The following DHX15 variants were observed in gnomAD, a reference collection of about 807,000 sequenced individuals.
DHX15 encodes the protein DEAH-box helicase 15, also known as ATP-dependent RNA helicase DHX15.
DHX15 carries 11 observed loss-of-function variants against 94.4 expected under a neutral mutation model. The observed-to-expected ratio is 0.12, with a 90% CI of 0.07 to 0.19. DHX15 has a LOEUF of 0.19. Among genes scored for constraint, DHX15 ranks in the 10% least tolerant of loss-of-function variants. The pLI is 1.00. For missense variants in DHX15, 304 were observed against 988.5 expected, an observed-to-expected ratio of 0.31 and a Z score of 9.29; for synonymous variants, 338 against 329.9, an observed-to-expected ratio of 1.02 and a Z score of -0.27.
At chr4:24,538,968 A>G (rs1721253628) in intron 10 of DHX15, 1 of 152,142 alleles carries the variant, frequency 6.6e-6, no homozygotes, top group South Asian at 2.1e-4. Flanking sequence ...GGAGAAGTAC[A>G]ACTGGGAGAA....
intron 3 of DHX15, among the ~76,000 whole-genome samples, chr4:24,567,609 C>A (rs1410297235): frequency 1.3e-5 from 2 of 151,294 alleles, no homozygotes; most frequent in African/African-American, 4.9e-5. Flanking sequence ...CAACCACAGA[C>A]AAATGCTTCT....
chr4:24,576,159 G>A, intron 2 of DHX15, 84 bp downstream of exon 2: 2 of 1,097,896 alleles, frequency 1.8e-6, no homozygotes, highest in Non-Finnish European at 1.3e-6. Context: ...GACAGACAAG[G>A]GAAATGACCA....
In DHX15 at chr4:24,562,125, C is replaced by T. The variant is rs187697378; in HGVS notation, c.702-5715G>A. Among the ~76,000 whole-genome samples the T allele has an allele frequency of 1.7e-3, 145 of 86,234 alleles. 1 individual carries two copies. The highest frequency in any genetic ancestry group is 0.01 in the South Asian group (17 of 1,682). 56.6% of individuals were successfully genotyped at this position (86,234 alleles called of 152,430 possible). A position where few individuals can be genotyped will look rare whatever the true frequency, so the allele number is the denominator to read the frequency against. Reference sequence around the variant, plus strand: ...CACTCCAGCCTGGAAGAGTGAGACACTGTCTCAAAAAAAAAAAAAAAAAAA... The same window carrying T: ...CACTCCAGCCTGGAAGAGTGAGACATTGTCTCAAAAAAAAAAAAAAAAAAA... On this transcript the variant is annotated intron_variant, in intron 3 of 13. Coordinates refer to ENST00000336812, the MANE Select transcript of DHX15 (RefSeq NM_001358.3).
rs1255232634 is a variant in DHX15 at position 24,576,511 on chromosome 4, G to A, written c.239C>T (p.Ser80Phe). The A allele has an allele frequency of 2.5e-6, 4 of 1,614,042 alleles. No individual in the cohort carries two copies. The highest frequency in any genetic ancestry group is 3.4e-6 in the Non-Finnish European group (4 of 1,180,038). ...ISAGLPPLKA[S>F]HSAHSTHSAH... is the part of the protein sequence containing the mutation. ...TGAGTGGGTTGAGTGAGCTGAATGG[G>A]AAGCTTTCAAAGGTGGTAATCCAGC... The change falls in exon 2 of 14, where the codon TCC becomes TTC. Residue 80 changes from serine to phenylalanine, a missense_variant. Coordinates refer to ENST00000336812, the MANE Select transcript of DHX15 (RefSeq NM_001358.3).
chr4:24,545,471 T>A (rs2109399389), intron 6 of DHX15, among the ~76,000 whole-genome samples: 1 of 152,328 alleles, frequency 6.6e-6, no homozygotes, highest in Non-Finnish European at 1.5e-5. Context: ...TTATGCCAAC[T>A]TGGCAAACCC....
intron 5 of DHX15, 142 bp downstream of exon 5, chr4:24,554,583 G>A (rs1721682826): frequency 1.6e-6 from 1 of 634,972 alleles, no homozygotes; most frequent in Non-Finnish European, 2.7e-6. Flanking sequence ...GATAAAAGGG[G>A]TTATATATTT....
intron 1 of DHX15, among the ~76,000 whole-genome samples, chr4:24,578,890 T>C (rs1046495799): frequency 2.6e-5 from 4 of 152,098 alleles, no homozygotes; most frequent in Admixed American, 6.5e-5. Flanking sequence ...ACTTCTAGCA[T>C]AGTACCAGGC....
intron 1 of DHX15, among the ~76,000 whole-genome samples, chr4:24,581,431 ATTAAATT>A (rs1490260227): frequency 6.6e-6 from 1 of 152,264 alleles, no homozygotes; most frequent in Non-Finnish European, 1.5e-5. Flanking sequence ...TCCCACTGAT[ATTAAATT>A]TTATAGTTCA....
At chr4:24,556,811 C>T (rs1282630023) in intron 3 of DHX15, among the ~76,000 whole-genome samples, 1 of 152,160 alleles carries the variant, frequency 6.6e-6, no homozygotes, top group Non-Finnish European at 1.5e-5. Flanking sequence ...TCATGTCACA[C>T]CACTAAAATG....
intron 5 of DHX15, among the ~76,000 whole-genome samples, chr4:24,553,018 A>G (rs1032248510): frequency 1.3e-5 from 2 of 152,366 alleles, no homozygotes; most frequent in African/African-American, 4.8e-5. Context: ...AATTTTAAAT[A>G]GTGATTTAAA....
intron 9 of DHX15, 56 bp from the exon 10 acceptor site, chr4:24,540,355 CA>C: frequency 2.1e-6 from 3 of 1,454,030 alleles, no homozygotes; most frequent in Non-Finnish European, 2.8e-6. Flanking sequence ...AAAAATGTGA[CA>C]AAGTACAAAC....
intron 11 of DHX15, 110 bp from the exon 12 acceptor site, chr4:24,533,164 G>T (rs1265654109): frequency 1.1e-6 from 1 of 940,938 alleles, no homozygotes; most frequent in Admixed American, 1.8e-5. Flanking sequence ...AACCAGAAAG[G>T]AGATTTACCC....
intron 1 of DHX15, among the ~76,000 whole-genome samples, chr4:24,578,678 A>C (rs1722336739): frequency 1.3e-5 from 2 of 151,956 alleles, no homozygotes; most frequent in African/African-American, 4.8e-5. Context: ...TGGTCCTCTC[A>C]CCTCAGCCTC....
At chr4:24,557,852 T>C (rs1184310337) in intron 3 of DHX15, among the ~76,000 whole-genome samples, 2 of 152,052 alleles carry the variant, frequency 1.3e-5, no homozygotes, top group Non-Finnish European at 2.9e-5. Flanking sequence ...TGTCTTCCGA[T>C]ATATCACAGA....
rs553646303 is a variant in DHX15 at position 24,584,508 on chromosome 4, C to T, written c.-115G>A. 2.9e-6 allele frequency: 3 copies of T among 1,048,618 alleles called. No individual in the cohort carries two copies. The South Asian group carries it at 4.7e-5, about 17-fold the overall frequency. 65.0% of individuals were successfully genotyped at this position (1,048,618 alleles called of 1,614,324 possible). On this transcript the variant is annotated 5_prime_UTR_variant, in exon 1 of 14. Transcript: ENST00000336812. ...CCCCACCCCTCCCGCTACTACAGCC[C>T]ACACGGTGCGGCCGGAACCAACAGC...
chr4:24,540,368 ATTATAAG>A, intron 9 of DHX15, 69 bp from the exon 10 acceptor site: 22 of 1,306,212 alleles, frequency 1.7e-5, no homozygotes, highest in South Asian at 3.1e-5. Flanking sequence ...AGTACAAACT[ATTATAAG>A]CAATCTCATT....
chr4:24,557,979 C>CA (rs58623833), intron 3 of DHX15, among the ~76,000 whole-genome samples: 11,589 of 127,384 alleles, frequency 0.091, 496 homozygotes, highest in African/African-American at 0.15. Context: ...ATTTGCAAGG[C>CA]AAAAAAAAAA....
intron 1 of DHX15, among the ~76,000 whole-genome samples, chr4:24,579,614 A>C (rs1409315111): frequency 6.6e-6 from 1 of 152,170 alleles, no homozygotes; most frequent in Non-Finnish European, 1.5e-5. Context: ...ACTTAAGCCA[A>C]CTATAGGATC....
chr4:24,572,016 G>A lies in DHX15; in HGVS notation c.508-1169C>T, dbSNP rs117932149. Among the ~76,000 whole-genome samples, 382 of 152,196 alleles carry A rather than the reference G, an allele frequency of 2.5e-3. 3 individuals are homozygous for A. The East Asian group carries it at 0.026, about 10-fold the overall frequency. On this transcript the variant is annotated intron_variant, in intron 2 of 13. Coordinates refer to ENST00000336812, the MANE Select transcript of DHX15 (RefSeq NM_001358.3). Reference sequence around the variant, plus strand: ...TTACTTACTGATATATCCTCAATTCGGCAACCCTTTTACAAAGGCAAAATG... The same window carrying A: ...TTACTTACTGATATATCCTCAATTCAGCAACCCTTTTACAAAGGCAAAATG...
Sources: gnomAD v4.1 joint callset for allele counts (sites outside exome capture counted in the v4.1 genomes callset) on GRCh38, gnomAD v4.1.1 for gene constraint, MANE v1.5 for transcripts, NCBI Gene and HGNC (gene_info 2026-07-23, HGNC 2026-07-21) for gene names.